Variants in SLC25A43 observed in about 807,000 individuals in gnomAD.
SLC25A43 encodes solute carrier family 25 member 43, also known as solute carrier family 25, member 43.
A neutral mutation model predicts 22.8 loss-of-function variants in SLC25A43; 10 were observed. The ratio of observed to expected loss-of-function variants is 0.44; its 90% CI spans 0.27 to 0.74. SLC25A43 has a LOEUF of 0.74. SLC25A43 is among the 30% of genes least tolerant of loss of function. The pLI is 0.17. For missense variants in SLC25A43, 233 were observed against 279.1 expected (o/e 0.83, Z 1.18); for synonymous variants, 106 against 121.6 (o/e 0.87, Z 0.84).
At chrX:119,443,801 C>T (rs1239484618) in intron 3 of SLC25A43, among the ~76,000 whole-genome samples, 4 of 108,301 alleles carry the variant, frequency 3.7e-5, no homozygotes, top group Admixed American at 1.0e-4. Flanking sequence ...GCTGGATTGC[C>T]GTGGTGCAAT....
chrX:119,402,763 C>T (rs975654551), intron 1 of SLC25A43, among the ~76,000 whole-genome samples: 2 of 110,947 alleles, frequency 1.8e-5, no homozygotes, highest in African/African-American at 3.3e-5. Context: ...CAGTGCCGCC[C>T]TAGCAAATCA....
intron 1 of SLC25A43, among the ~76,000 whole-genome samples, chrX:119,403,316 G>A (rs973031693): frequency 9.2e-6 from 1 of 108,685 alleles, no homozygotes; most frequent in Non-Finnish European, 1.9e-5. Context: ...TTTGGAAGAA[G>A]TATTGCTCTG....
At chrX:119,446,770 G>A (rs1390132228) in intron 3 of SLC25A43, among the ~76,000 whole-genome samples, 1 of 111,849 alleles carries the variant, frequency 8.9e-6, no homozygotes, top group Non-Finnish European at 1.9e-5. Flanking sequence ...CATTCATTGA[G>A]CACCAGTCAT....
intron 3 of SLC25A43, among the ~76,000 whole-genome samples, chrX:119,427,586 T>C (rs1175768506): frequency 8.9e-6 from 1 of 112,328 alleles, no homozygotes; most frequent in East Asian, 2.8e-4. Flanking sequence ...ACAGAAAGGT[T>C]CATTTACTCC....
At chrX:119,442,392 G>C (rs2052629690) in intron 3 of SLC25A43, among the ~76,000 whole-genome samples, 1 of 112,096 alleles carries the variant, frequency 8.9e-6, no homozygotes, top group South Asian at 3.7e-4. Context: ...ATGACCCAGG[G>C]CTCTTTACAA....
chrX:119,444,365 T>A (rs1449561479), intron 3 of SLC25A43, among the ~76,000 whole-genome samples: 1 of 111,802 alleles, frequency 8.9e-6, no homozygotes, highest in Non-Finnish European at 1.9e-5. Context: ...TTATTTAATT[T>A]CCATAGCAAC....
intron 3 of SLC25A43, among the ~76,000 whole-genome samples, chrX:119,417,326 T>C (rs1164811854): frequency 9.1e-6 from 1 of 110,182 alleles, no homozygotes; most frequent in Admixed American, 9.7e-5. Context: ...CTCAGGAGGC[T>C]GAGAGAGGAG....
chrX:119,402,578 G>A (rs1300295135), intron 1 of SLC25A43, among the ~76,000 whole-genome samples: 2 of 111,994 alleles, frequency 1.8e-5, no homozygotes, highest in African/African-American at 3.2e-5. Flanking sequence ...TGCACTGGCT[G>A]CCAACCTGTT....
At chrX:119,399,705 C>T (rs1041492301) in intron 1 of SLC25A43, 27 bp downstream of exon 1, 40 of 664,639 alleles carry the variant, frequency 6.0e-5, no homozygotes, top group Middle Eastern at 7.0e-4. Flanking sequence ...GCCGGGGAAC[C>T]GGGAGACCGG....
Position 119,406,448 on chromosome X carries a change from A to G in SLC25A43, c.276-12A>G. ...GTTGATTTCTCTGGCCTTTCCCCCT[A>G]TTTTCTCCCAGATTTGTTGTGCTGT... On this transcript the variant is annotated splice_polypyrimidine_tract_variant and intron_variant, in intron 1 of 4. Coordinates refer to ENST00000217909, the MANE Select transcript of SLC25A43 (RefSeq NM_145305.3). The G allele has an allele frequency of 8.3e-7, 1 of 1,207,993 alleles. No homozygotes were observed. The highest frequency in any genetic ancestry group is 1.1e-6 in the Non-Finnish European group (1 of 893,001).
rs779500697 is a variant in SLC25A43 at position 119,421,927 on chromosome X, A to G, written c.690+11565A>G. On this transcript the variant is annotated intron_variant, in intron 3 of 4. Transcript: ENST00000217909. ...GGTGAATACCACCCACCCCCTTTTT[A>G]TTTTTGAGACAAGAGTCTCGCTCTG... is the stretch of plus-strand genomic sequence containing the variant. Among the ~76,000 whole-genome samples, 6 of 110,808 alleles carry G rather than the reference A, an allele frequency of 5.4e-5. No individual in the cohort carries two copies. The East Asian group carries it at 1.7e-3, about 32-fold the overall frequency.
intron 3 of SLC25A43, among the ~76,000 whole-genome samples, chrX:119,425,944 T>G (rs1408241672): frequency 9.0e-6 from 1 of 111,354 alleles, no homozygotes; most frequent in African/African-American, 3.3e-5. Context: ...GATAAAGATC[T>G]GGGAGTCAAA....
intron 3 of SLC25A43, among the ~76,000 whole-genome samples, chrX:119,422,626 G>A (rs2052463881): frequency 8.9e-6 from 1 of 111,834 alleles, no homozygotes; most frequent in Admixed American, 9.5e-5. Context: ...CTCGCTGTCT[G>A]CTAGGTGAGT....
chrX:119,404,147 G>A (rs2052265113), intron 1 of SLC25A43, among the ~76,000 whole-genome samples: 1 of 110,424 alleles, frequency 9.1e-6, no homozygotes, highest in Admixed American at 9.6e-5. Context: ...ACAGGCGCCC[G>A]CCACCATGCC....
rs2052718835 is a variant in SLC25A43, at chrX:119,453,187, G to T, written c.*122G>T. 1.6e-6 allele frequency: 1 copy of T among 616,999 alleles called. No homozygotes were observed. Among genetic ancestry groups the T allele is most frequent in the Admixed American group, 3.3e-5 (1 of 29,854 alleles). The allele number at this position is 616,999 out of a possible 1,213,427, so 50.8% of individuals were successfully genotyped here. A position where few individuals can be genotyped will look rare whatever the true frequency, so the allele number is the denominator to read the frequency against. On this transcript the variant is annotated 3_prime_UTR_variant, in exon 5 of 5. Coordinates refer to ENST00000217909, the MANE Select transcript of SLC25A43 (RefSeq NM_145305.3). The stretch of plus-strand genomic sequence containing the variant: ...ACTGCTATCTGCTGCTCTGGGAAAT[G>T]AGATGGTTTGGCCATGCACCACCTC...
At chrX:119,426,545 G>A (rs762791505) in intron 3 of SLC25A43, among the ~76,000 whole-genome samples, 10 of 111,910 alleles carry the variant, frequency 8.9e-5, no homozygotes, top group Admixed American at 1.9e-4. Flanking sequence ...GTCCAAGGCC[G>A]GGCGCGGCGA....
At chrX:119,445,014 G>T (rs1305645259) in intron 3 of SLC25A43, among the ~76,000 whole-genome samples, 1 of 95,737 alleles carries the variant, frequency 1.0e-5, no homozygotes, top group Admixed American at 1.2e-4. Context: ...CAGCAGCCTG[G>T]GTGACAGAGT....
chrX:119,441,335 C>T (rs1424585358), intron 3 of SLC25A43, among the ~76,000 whole-genome samples: 4 of 84,585 alleles, frequency 4.7e-5, no homozygotes, highest in Admixed American at 4.1e-4. Context: ...GGCTCGCGCA[C>T]GGTGCGCACA....
intron 2 of SLC25A43, among the ~76,000 whole-genome samples, chrX:119,409,413 T>G (rs1046416405): frequency 6.5e-5 from 7 of 107,481 alleles, no homozygotes; most frequent in Non-Finnish European, 1.9e-5. Flanking sequence ...AGAGACGAGG[T>G]CAGGCTGGTC....
Sources: allele counts gnomAD v4.1 joint callset (sites outside exome capture counted in the v4.1 genomes callset), GRCh38; gene constraint gnomAD v4.1.1; transcripts MANE v1.5; gene names NCBI Gene and HGNC (gene_info 2026-07-23, HGNC 2026-07-21).